Variants in GTF2A1L observed in about 807,000 individuals in gnomAD.
GTF2A1L encodes the protein TFIIA-alpha and beta-like factor.
A neutral mutation model predicts 49.7 loss-of-function variants in GTF2A1L; 48 were observed. The observed-to-expected ratio is 0.97, with a 90% CI of 0.77 to 1.23. GTF2A1L has a LOEUF of 1.23. GTF2A1L is among the 50% of genes most tolerant of loss of function. The pLI, the probability that GTF2A1L is intolerant of heterozygous loss-of-function variation, is 0.00. For missense variants in GTF2A1L, 736 were observed against 564.8 expected (o/e 1.30, Z -3.07); for synonymous variants, 246 against 193.5 (o/e 1.27, Z -2.25).
intron 3 of GTF2A1L, among the ~76,000 whole-genome samples, chr2:48,626,035 A>G (rs1475402490): frequency 2.1e-5 from 3 of 143,802 alleles, no homozygotes; most frequent in East Asian, 3.9e-4. Flanking sequence ...TTTTGAATTG[A>G]TTTTTATGTA....
chr2:48,618,238 T>G, intron 1 of GTF2A1L: 1 of 288,530 alleles, frequency 3.5e-6, no homozygotes, highest in Non-Finnish European at 6.5e-6. Context: ...GTTGTGTTAA[T>G]TTTACCGTGG....
chr2:48,636,730 A>G (rs1366151915), intron 3 of GTF2A1L, among the ~76,000 whole-genome samples: 1 of 152,212 alleles, frequency 6.6e-6, no homozygotes, highest in Admixed American at 6.5e-5. Context: ...GGGTGACTAT[A>G]TGTAATTTAT....
rs763995777 is a variant in GTF2A1L at position 48,679,319 on chromosome 2, A to G, written c.1330-16A>G. ...CTTGTAAAATTAATTAATGTAAACT[A>G]CTTTTCTCCCTCCAGATTCATCGAA... On this transcript the variant is annotated splice_polypyrimidine_tract_variant and intron_variant, in intron 8 of 8. Transcript: ENST00000403751. 3.7e-6 allele frequency: 6 copies of G among 1,603,612 alleles called. No individual in the cohort carries two copies. The Admixed American group carries it at 6.9e-5, about 19-fold the overall frequency.
At chr2:48,645,009 C>T (rs769057315) in intron 4 of GTF2A1L, 24 bp from the exon 5 acceptor site, 1 of 1,577,652 alleles carries the variant, frequency 6.3e-7, no homozygotes, top group Non-Finnish European at 8.6e-7. Flanking sequence ...TTCTAACTTT[C>T]TAATATAAAT....
Position 48,622,505 on chromosome 2 carries a change from G to GT in GTF2A1L, c.247+1222dup, listed in dbSNP as rs141215219. ...TTATTTATTACAGAATGCTAAAGAT[G>GT]TTTTTTTAACTTATGGTTGGCATGA... On this transcript the variant is annotated intron_variant, in intron 3 of 8. Coordinates refer to ENST00000403751, the MANE Select transcript of GTF2A1L (RefSeq NM_006872.5). Among the ~76,000 whole-genome samples the GT allele has an allele frequency of 7.0e-3, 1,070 of 152,144 alleles. 22 individuals are homozygous for GT. The highest frequency in any genetic ancestry group is 0.024 in the African/African-American group (997 of 41,496).
chr2:48,620,973 T>C, intron 2 of GTF2A1L, 21 bp downstream of exon 2: 1 of 1,586,870 alleles, frequency 6.3e-7, no homozygotes, highest in Non-Finnish European at 8.5e-7. Flanking sequence ...GATACAACTT[T>C]TTCTTCCTGT....
rs902618155 is a variant in GTF2A1L, at chr2:48,645,658, C to CT, written c.388+549dup. Among the ~76,000 whole-genome samples, 85 of 151,874 alleles carry CT rather than the reference C, an allele frequency of 5.6e-4. 4 individuals carry two copies. Among genetic ancestry groups the CT allele is most frequent in the African/African-American group, 2.0e-3 (81 of 41,432 alleles). On this transcript the variant is annotated intron_variant, in intron 5 of 8. Transcript: ENST00000403751. ...CTAACTCAACACTCAAAAATAAGTC[C>CT]TTTTTTTTGAGATGGAGTCTCGCTC...
At chr2:48,631,259 T>A (rs1676551923) in intron 3 of GTF2A1L, among the ~76,000 whole-genome samples, 1 of 152,096 alleles carries the variant, frequency 6.6e-6, no homozygotes, top group Non-Finnish European at 1.5e-5. Context: ...GGTCTGGGGC[T>A]TTTTTTGGGT....
At chr2:48,635,129 C>A (rs1676816644) in intron 3 of GTF2A1L, among the ~76,000 whole-genome samples, 2 of 152,106 alleles carry the variant, frequency 1.3e-5, no homozygotes, top group Non-Finnish European at 2.9e-5. Flanking sequence ...GGCCTTCCTG[C>A]ATCAAGATCT....
At chr2:48,641,769 T>G (rs182557322) in intron 3 of GTF2A1L, among the ~76,000 whole-genome samples, 48 of 152,298 alleles carry the variant, frequency 3.2e-4, no homozygotes, top group Admixed American at 2.0e-3. Flanking sequence ...CATAGAAAAC[T>G]GGTAGATAAT....
At chr2:48,658,082 C>G (rs755541824) in intron 6 of GTF2A1L, among the ~76,000 whole-genome samples, 3 of 152,122 alleles carry the variant, frequency 2.0e-5, no homozygotes, top group Non-Finnish European at 4.4e-5. Context: ...GTTTCTTTTG[C>G]TGTGCAGAAC....
In GTF2A1L at chr2:48,646,902, T is replaced by A. The variant is rs1677547535; in HGVS notation, c.838T>A (p.Ser280Thr). The A allele has an allele frequency of 3.1e-6, 5 of 1,614,076 alleles. No homozygotes were observed. In the South Asian group the frequency reaches 3.3e-5, roughly 11 times the overall value. ...MAQNLHDESLSTSPHGALHQH... is the reference protein window; with the variant it reads ...MAQNLHDESLTTSPHGALHQH... ...TCAAAATCTGCATGATGAGTCCCTC[T>A]CCACAAGCCCTCATGGGGCTCTCCA... is the stretch of plus-strand genomic sequence containing the variant. Residue 280 changes from serine (S) to threonine (T), a missense_variant, in exon 6 of 9, where the codon TCC (serine) becomes ACC (threonine). By Grantham distance (58) the Ser-to-Thr change is moderately conservative. Coordinates refer to ENST00000403751, the MANE Select transcript of GTF2A1L (RefSeq NM_006872.5).
chr2:48,661,940 T>G lies in GTF2A1L; in HGVS notation c.979-7782T>G, dbSNP rs116714007. Reference sequence around the variant, plus strand: ...AAAGAACTAACTCTTGCCGTTTTGCTGTTTTCTATATGTATTTAGGTTTTC... The same window carrying G: ...AAAGAACTAACTCTTGCCGTTTTGCGGTTTTCTATATGTATTTAGGTTTTC... On this transcript the variant is annotated intron_variant, in intron 6 of 8. Coordinates refer to ENST00000403751, the MANE Select transcript of GTF2A1L (RefSeq NM_006872.5). Among the ~76,000 whole-genome samples the G allele has an allele frequency of 7.4e-3, 1,131 of 152,302 alleles. 8 individuals are homozygous for G. The highest frequency in any genetic ancestry group is 0.026 in the African/African-American group (1,090 of 41,562).
rs1422555993 is a variant in GTF2A1L, at chr2:48,646,734, G to A, written c.670G>A (p.Glu224Lys). The change falls in exon 6 of 9, where the codon GAG becomes AAG. Residue 224 changes from glutamate to lysine, a missense_variant. By Grantham distance (56) the Glu-to-Lys change is moderately conservative. Transcript: ENST00000403751. ...TGATATACTTGTATCTCCTGGAAAT[G>A]AGCATAAAATCGTGCCTGAAGCTTT... ...TSDILVSPGN[E>K]HKIVPEALLC... 5.6e-6 allele frequency: 9 copies of A among 1,614,068 alleles called. No homozygotes were observed. Among genetic ancestry groups the A allele is most frequent in the Middle Eastern group, 1.6e-4 (1 of 6,084 alleles).
chr2:48,635,462 C>T (rs1676834812), intron 3 of GTF2A1L, among the ~76,000 whole-genome samples: 1 of 151,920 alleles, frequency 6.6e-6, no homozygotes, highest in Non-Finnish European at 1.5e-5. Context: ...GAGGGGACCC[C>T]ACTTCACCTC....
chr2:48,676,637 G>T (rs551799262), intron 8 of GTF2A1L, among the ~76,000 whole-genome samples: 1 of 151,738 alleles, frequency 6.6e-6, no homozygotes, highest in Non-Finnish European at 1.5e-5. Context: ...ATACACAGAA[G>T]TACTTTTTAC....
chr2:48,674,609 A>G (rs1342977951), intron 8 of GTF2A1L, among the ~76,000 whole-genome samples: 1 of 152,138 alleles, frequency 6.6e-6, no homozygotes, highest in Non-Finnish European at 1.5e-5. Flanking sequence ...TTTCTTATAA[A>G]CAATATATTG....
chr2:48,656,489 C>A (rs1012630543), intron 6 of GTF2A1L, among the ~76,000 whole-genome samples: 1 of 151,110 alleles, frequency 6.6e-6, no homozygotes, highest in African/African-American at 2.4e-5. Context: ...CACTTGTATG[C>A]ATTCTTTGTA....
In GTF2A1L at chr2:48,679,220, A is replaced by C. The variant is rs374333572; in HGVS notation, c.1330-115A>C. On this transcript the variant is annotated intron_variant, in intron 8 of 8. Transcript: ENST00000403751. ...AAACAAACTATCTTGAGGAGATTTT[A>C]ATTTTAAGGCACTCACATTTCGGGT... 2,032 of 1,316,476 alleles carry C rather than the reference A, an allele frequency of 1.5e-3. 37 individuals are homozygous for C. The South Asian group carries it at 0.025, about 16-fold the overall frequency. 81.5% of individuals were successfully genotyped at this position (1,316,476 alleles called of 1,614,324 possible).
Sources: allele counts gnomAD v4.1 joint callset (sites outside exome capture counted in the v4.1 genomes callset), GRCh38; gene constraint gnomAD v4.1.1; transcripts MANE v1.5; gene names NCBI Gene and HGNC (gene_info 2026-07-23, HGNC 2026-07-21).